PIGK: variants seen among roughly 807,000 people sequenced by gnomAD.
The protein encoded by PIGK is GPI-anchor transamidase.
A neutral mutation model predicts 50.6 loss-of-function variants in PIGK; 42 were observed. The observed-to-expected ratio is 0.83, with a 90% CI of 0.65 to 1.07. The LOEUF is 1.07. Ranked by LOEUF, PIGK falls within the 50% of genes least tolerant of loss-of-function variation. PIGK has a pLI of 0.00. For synonymous variants in PIGK, 151 were observed against 156.0 expected, an observed-to-expected ratio of 0.97 and a Z score of 0.24; for missense variants, 448 against 488.7, an observed-to-expected ratio of 0.92 and a Z score of 0.78.
chr1:77,157,173 A>T (rs532925576), intron 8 of PIGK, among the ~76,000 whole-genome samples: 15 of 152,356 alleles, frequency 9.8e-5, no homozygotes, highest in African/African-American at 2.6e-4. Context: ...GCTGATACTC[A>T]GCAAACTTTA....
At chr1:77,183,873 C>G (rs1479408939) in intron 3 of PIGK, among the ~76,000 whole-genome samples, 2 of 152,124 alleles carry the variant, frequency 1.3e-5, no homozygotes, top group Non-Finnish European at 2.9e-5. Context: ...GTGGATTAGT[C>G]ACTTTAGACC....
intron 10 of PIGK, among the ~76,000 whole-genome samples, chr1:77,094,186 T>C (rs1179603339): frequency 2.0e-5 from 3 of 152,160 alleles, no homozygotes; most frequent in Non-Finnish European, 4.4e-5. Flanking sequence ...TTATTCATTA[T>C]TAGTGGAAGC....
intron 10 of PIGK, among the ~76,000 whole-genome samples, chr1:77,099,618 T>C (rs1174839808): frequency 1.3e-5 from 2 of 152,326 alleles, no homozygotes; most frequent in East Asian, 1.9e-4. Flanking sequence ...CGCTGACATA[T>C]GACAACAATG....
chr1:77,158,328 T>C (rs187623890), intron 8 of PIGK, among the ~76,000 whole-genome samples: 16 of 149,674 alleles, frequency 1.1e-4, no homozygotes, highest in African/African-American at 2.2e-4. Flanking sequence ...AAATCTCTCT[T>C]TTTTTTTTTA....
rs35286994 is a variant in PIGK, at chr1:77,211,805, C to CT, written c.94-1317dup. Among the ~76,000 whole-genome samples, 697 of 137,332 alleles carry CT rather than the reference C, an allele frequency of 5.1e-3. 4 individuals carry two copies. Among genetic ancestry groups the CT allele is most frequent in the African/African-American group, 0.011 (431 of 38,192 alleles). 90.1% of individuals were successfully genotyped at this position (137,332 alleles called of 152,430 possible). On this transcript the variant is annotated intron_variant, in intron 1 of 10. Transcript: ENST00000370812. ...AAAGATTGCTGAGGTTTCTTTCTTT[C>CT]TTTTTTTTTTTTTTTCTGGGAGATA... is the stretch of plus-strand genomic sequence containing the variant.
In PIGK at chr1:77,089,485, A is replaced by AT. The variant is rs1653251855; in HGVS notation, c.*2888dup. ...TGTTAATGCAACATTTGTTGTAAAGATTCCAGAAACACAGGAGTCAAAATT... is the reference window on the plus strand; with the variant it reads ...TGTTAATGCAACATTTGTTGTAAAGATTTCCAGAAACACAGGAGTCAAAATT... On this transcript the variant is annotated 3_prime_UTR_variant, in exon 11 of 11. Transcript: ENST00000370812. 1 of 152,616 alleles carries AT rather than the reference A, an allele frequency of 6.6e-6. No homozygotes were observed. Among genetic ancestry groups the AT allele is most frequent in the Non-Finnish European group, 1.5e-5 (1 of 68,044 alleles). The allele number at this position is 152,616 out of a possible 1,614,324, so 9.5% of individuals were successfully genotyped here.
chr1:77,122,196 T>C lies in PIGK; in HGVS notation c.1071+79A>G, dbSNP rs1223729120. The C allele has an allele frequency of 4.3e-6, 4 of 929,510 alleles. No homozygotes were observed. The Admixed American group carries it at 7.6e-5, about 18-fold the overall frequency. The allele number at this position is 929,510 out of a possible 1,614,324, so 57.6% of individuals were successfully genotyped here. On this transcript the variant is annotated intron_variant, in intron 10 of 10. Coordinates refer to ENST00000370812, the MANE Select transcript of PIGK (RefSeq NM_005482.3). ...CCTTTCAGCTATAGCACATTGATTC[T>C]GAAAAACCTAACAAAAGCAATTACT...
At chr1:77,195,649 A>G (rs1656016968) in intron 3 of PIGK, among the ~76,000 whole-genome samples, 1 of 152,042 alleles carries the variant, frequency 6.6e-6, no homozygotes, top group Admixed American at 6.6e-5. Flanking sequence ...TTCTGCAAAC[A>G]TCTGCTTCTT....
chr1:77,188,001 T>C (rs903557525), intron 3 of PIGK, among the ~76,000 whole-genome samples: 2 of 152,250 alleles, frequency 1.3e-5, no homozygotes, highest in African/African-American at 4.8e-5. Context: ...ATGTCTGTCT[T>C]TACTTTAATC....
At chr1:77,178,644 T>G (rs1385094877) in intron 3 of PIGK, among the ~76,000 whole-genome samples, 1 of 152,180 alleles carries the variant, frequency 6.6e-6, no homozygotes, top group Non-Finnish European at 1.5e-5. Flanking sequence ...TTTAGGTGAT[T>G]TGGTTTATGG....
At chr1:77,148,942 C>A (rs998677490) in intron 9 of PIGK, among the ~76,000 whole-genome samples, 4 of 151,840 alleles carry the variant, frequency 2.6e-5, no homozygotes, top group African/African-American at 9.7e-5. Context: ...GTGTTGATCT[C>A]CTGACCTAGT....
chr1:77,166,854 A>G (rs1245746589), intron 4 of PIGK, 24 bp from the exon 5 acceptor site: 2 of 1,046,340 alleles, frequency 1.9e-6, no homozygotes, highest in African/African-American at 3.2e-5. Flanking sequence ...AACAAGAAAA[A>G]TCAGATGAAA....
At position 77,172,550 on chromosome 1, in the gene PIGK, G is replaced by A. The variant is rs1655390153; in HGVS notation, c.240-3155C>T. 2.0e-5 allele frequency among the ~76,000 whole-genome samples: 3 copies of A among 152,146 alleles called. No homozygotes were observed. The South Asian group carries it at 6.2e-4, about 32-fold the overall frequency. ...TTAACTGACTTGAATCCAGTTAGAG[G>A]CTTCTTACATCTGAATGGGTCAGAA... On this transcript the variant is annotated intron_variant, in intron 3 of 10. Coordinates refer to ENST00000370812, the MANE Select transcript of PIGK (RefSeq NM_005482.3).
chr1:77,151,458 A>T (rs147742980), intron 9 of PIGK, among the ~76,000 whole-genome samples: 4 of 152,330 alleles, frequency 2.6e-5, no homozygotes, highest in Non-Finnish European at 5.9e-5. Flanking sequence ...GTTCACTCTC[A>T]TCACTTCTAT....
chr1:77,193,598 G>A (rs1655963646), intron 3 of PIGK, among the ~76,000 whole-genome samples: 1 of 152,112 alleles, frequency 6.6e-6, no homozygotes. Flanking sequence ...GCCTGCCTTT[G>A]TCATATTTCC....
intron 3 of PIGK, chr1:77,194,750 C>A: frequency 3.0e-6 from 1 of 337,178 alleles, no homozygotes; most frequent in Non-Finnish European, 5.7e-6. Context: ...ACAATTTACC[C>A]ATATAACAAA....
At chr1:77,141,130 A>G (rs998592506) in intron 9 of PIGK, among the ~76,000 whole-genome samples, 5 of 152,192 alleles carry the variant, frequency 3.3e-5, no homozygotes, top group Non-Finnish European at 7.4e-5. Flanking sequence ...ATTTTAATAA[A>G]ACCCAGTTTA....
At chr1:77,171,448 A>AAAAAAG in intron 3 of PIGK, among the ~76,000 whole-genome samples, 1 of 148,186 alleles carries the variant, frequency 6.7e-6, no homozygotes, top group Non-Finnish European at 1.5e-5. Flanking sequence ...AAAAAAAAAA[A>AAAAAAG]AAAAAAAAAA....
intron 10 of PIGK, among the ~76,000 whole-genome samples, chr1:77,096,891 TTTTTTTG>T (rs766482891): frequency 5.8e-5 from 8 of 137,528 alleles, no homozygotes; most frequent in South Asian, 2.2e-4. Flanking sequence ...CTTTTTTTTT[TTTTTTTG>T]TTTTTTTGTT....
Sources: allele counts gnomAD v4.1 joint callset (sites outside exome capture counted in the v4.1 genomes callset), GRCh38; gene constraint gnomAD v4.1.1; transcripts MANE v1.5; gene names NCBI Gene and HGNC (gene_info 2026-07-23, HGNC 2026-07-21).